The following ADGRL3 variants were observed in gnomAD, a reference collection of about 807,000 sequenced individuals.
ADGRL3 encodes adhesion G protein-coupled receptor L3, also known as calcium-independent alpha-latrotoxin receptor 3.
In ADGRL3, 62 loss-of-function variants were observed where a neutral mutation model predicts 153.5. The observed-to-expected ratio is 0.40, with a 90% CI of 0.33 to 0.50. The LOEUF is 0.50. Among genes scored for constraint, ADGRL3 ranks in the 20% least tolerant of loss-of-function variants. The probability of loss-of-function intolerance (pLI) is 0.47; values close to 1 mark genes in which losing one functional copy is unlikely to be tolerated. For missense variants in ADGRL3, 1,641 were observed against 1,859.4 expected (o/e 0.88, Z 2.16); for synonymous variants, 710 against 672.5 (o/e 1.06, Z -0.86).
chr4:61,939,766 C>T (rs1000580491), intron 15 of ADGRL3, among the ~76,000 whole-genome samples: 24 of 151,840 alleles, frequency 1.6e-4, no homozygotes, highest in African/African-American at 5.6e-4. Flanking sequence ...CCACACCCGG[C>T]CAAAATTTGC....
intron 9 of ADGRL3, among the ~76,000 whole-genome samples, chr4:61,882,854 C>G (rs2098516460): frequency 6.6e-6 from 1 of 152,170 alleles, no homozygotes; most frequent in African/African-American, 2.4e-5. Flanking sequence ...GCCTATAATC[C>G]CAGCACTTTG....
At chr4:61,786,040 T>A (rs549336397) in intron 8 of ADGRL3, among the ~76,000 whole-genome samples, 2 of 152,246 alleles carry the variant, frequency 1.3e-5, no homozygotes, top group Admixed American at 6.5e-5. Context: ...CAATAGAGAT[T>A]TTTTTATGTG....
chr4:61,910,644 G>C lies in ADGRL3; in HGVS notation c.2073+899G>C, dbSNP rs148801773. 2.5e-3 allele frequency among the ~76,000 whole-genome samples: 386 copies of C among 151,834 alleles called. 1 individual carries two copies. The highest frequency in any genetic ancestry group is 8.7e-3 in the African/African-American group (361 of 41,498). ...ATGATTGAAACAATTTTAGGGCCTT[G>C]AATATCATGATAGCCTTACTACTTT... is the stretch of plus-strand genomic sequence containing the variant. On this transcript the variant is annotated intron_variant, in intron 12 of 26. Transcript: ENST00000683033.
At chr4:61,561,736 A>T (rs1219221247) in intron 4 of ADGRL3, among the ~76,000 whole-genome samples, 1 of 152,148 alleles carries the variant, frequency 6.6e-6, no homozygotes, top group East Asian at 1.9e-4. Context: ...TATAAATCTC[A>T]TAAAAATGTA....
intron 2 of ADGRL3, among the ~76,000 whole-genome samples, chr4:61,416,994 A>G (rs900655929): frequency 5.3e-5 from 8 of 152,158 alleles, no homozygotes; most frequent in Middle Eastern, 3.4e-3. Context: ...CTCATAAGAA[A>G]CAGGCAGCCT....
intron 21 of ADGRL3, among the ~76,000 whole-genome samples, chr4:62,019,081 A>C (rs1369798870): frequency 6.6e-6 from 1 of 152,196 alleles, no homozygotes; most frequent in East Asian, 1.9e-4. Context: ...TCTATGATTT[A>C]TCTCTCACTA....
rs760949081 is a variant in ADGRL3, at chr4:61,733,505, T to C, written c.1350T>C (p.Tyr450=). Reference sequence around the variant, plus strand: ...ACCTACTTTATGTATGGAATAACTATCACGTCGTGAAATATTCTTTGGATT... The same window carrying C: ...ACCTACTTTATGTATGGAATAACTACCACGTCGTGAAATATTCTTTGGATT... ...RDNLLYVWNN[Y]HVVKYSLDFG... The change falls in exon 8 of 27, where the codon TAT becomes TAC. Residue 450 remains tyrosine (Y), a synonymous_variant. Coordinates refer to ENST00000683033, the MANE Select transcript of ADGRL3 (RefSeq NM_001387552.1). 13 of 1,613,488 alleles carry C rather than the reference T, an allele frequency of 8.1e-6. No homozygotes were observed. The South Asian group carries it at 1.4e-4, about 18-fold the overall frequency.
intron 9 of ADGRL3, among the ~76,000 whole-genome samples, chr4:61,818,120 G>T (rs2097708975): frequency 6.6e-6 from 1 of 152,144 alleles, no homozygotes. Flanking sequence ...GACAAGGCAA[G>T]TCCCTTCTGC....
chr4:61,861,173 G>A lies in ADGRL3; in HGVS notation c.1481-31483G>A, dbSNP rs184362481. ...GGACCAGGGAAAGCTGAGAGTAGGG[G>A]TGTATATCATGATTGTTAAAAGCAA... On this transcript the variant is annotated intron_variant, in intron 9 of 26. Transcript: ENST00000683033. Among the ~76,000 whole-genome samples the A allele has an allele frequency of 3.0e-3, 461 of 152,268 alleles. 10 individuals are homozygous for A. Among genetic ancestry groups the A allele is most frequent in the Admixed American group, 0.028 (434 of 15,294 alleles).
intron 2 of ADGRL3, among the ~76,000 whole-genome samples, chr4:61,409,385 A>G (rs1344083059): frequency 2.6e-5 from 3 of 115,544 alleles, no homozygotes; most frequent in Non-Finnish European, 5.4e-5. Context: ...CATATATTAT[A>G]TATATATTAG....
At chr4:61,723,715 C>G (rs1016734209) in intron 6 of ADGRL3, among the ~76,000 whole-genome samples, 1 of 152,048 alleles carries the variant, frequency 6.6e-6, no homozygotes, top group Non-Finnish European at 1.5e-5. Context: ...GGGAGGGAAC[C>G]GCCATGTTGG....
chr4:61,797,220 CAG>C (rs1002223047), intron 8 of ADGRL3, among the ~76,000 whole-genome samples: 17 of 152,106 alleles, frequency 1.1e-4, no homozygotes, highest in African/African-American at 4.1e-4. Context: ...ATAGGAAAAT[CAG>C]AGTTTTGGTT....
rs2099060478 is a variant in ADGRL3 at position 61,979,600 on chromosome 4, T to G, written c.2843T>G (p.Ile948Ser). 1 of 1,613,970 alleles carries G rather than the reference T, an allele frequency of 6.2e-7. No individual in the cohort carries two copies. Among genetic ancestry groups the G allele is most frequent in the African/African-American group, 1.3e-5 (1 of 75,036 alleles). Reference protein sequence around the residue: ...DAVHDLLLDVITWVGILLSLV... With the variant: ...DAVHDLLLDVSTWVGILLSLV... ...GTCCATGACCTCCTTCTGGATGTGA[T>G]CACGTGGGTTGGAATTTTGCTGTCC... The change falls in exon 18 of 27, where the codon ATC becomes AGC. Residue 948 changes from isoleucine (I) to serine (S), a missense_variant. Ile to Ser is a moderately radical substitution (Grantham distance 142). Transcript: ENST00000683033.
chr4:61,672,376 A>T (rs548145838), intron 5 of ADGRL3, among the ~76,000 whole-genome samples: 6 of 152,056 alleles, frequency 3.9e-5, no homozygotes, highest in Non-Finnish European at 7.4e-5. Flanking sequence ...ATGTGGATTA[A>T]TTTCCGGGCT....
At chr4:61,663,830 A>C (rs1261273510) in intron 5 of ADGRL3, among the ~76,000 whole-genome samples, 3 of 152,216 alleles carry the variant, frequency 2.0e-5, no homozygotes, top group Admixed American at 2.0e-4. Context: ...TGAGTATTAT[A>C]GTTCCATTTT....
chr4:61,290,686 G>A (rs867524975), intron 1 of ADGRL3, among the ~76,000 whole-genome samples: 8 of 146,872 alleles, frequency 5.4e-5, no homozygotes, highest in South Asian at 2.2e-4. Context: ...AAGGAAGGAA[G>A]GAGGGAAGGA....
chr4:61,452,094 G>T (rs2097681845), intron 2 of ADGRL3, among the ~76,000 whole-genome samples: 1 of 140,994 alleles, frequency 7.1e-6, no homozygotes, highest in Non-Finnish European at 1.6e-5. Flanking sequence ...GGCTGCTTGG[G>T]CTCACAGCTG....
intron 1 of ADGRL3, among the ~76,000 whole-genome samples, chr4:61,319,524 T>A (rs978529155): frequency 1.3e-5 from 2 of 152,166 alleles, no homozygotes; most frequent in Non-Finnish European, 2.9e-5. Flanking sequence ...CTTTCCCTCA[T>A]GTGTTGCAGT....
intron 2 of ADGRL3, among the ~76,000 whole-genome samples, chr4:61,465,758 A>T (rs13151514): frequency 7.7e-5 from 10 of 130,146 alleles, no homozygotes; most frequent in South Asian, 2.5e-4. Flanking sequence ...ATTATATATA[A>T]ATATATATAT....
Sources: allele counts gnomAD v4.1 joint callset (sites outside exome capture counted in the v4.1 genomes callset), GRCh38; gene constraint gnomAD v4.1.1; transcripts MANE v1.5; gene names NCBI Gene and HGNC (gene_info 2026-07-23, HGNC 2026-07-21).